Variants in LMBR1 observed in about 807,000 individuals in gnomAD.
LMBR1 encodes the protein limb development membrane protein 1.
Under a neutral mutation model 73.9 loss-of-function variants are expected in LMBR1, and 52 were observed. The observed-to-expected ratio is 0.70, with a 90% confidence interval of 0.56 to 0.89. The LOEUF is 0.89. Ranked by LOEUF, LMBR1 falls within the 40% of genes least tolerant of loss-of-function variation. The pLI is 0.00. For missense variants in LMBR1, 539 were observed against 579.8 expected, an observed-to-expected ratio of 0.93 and a Z score of 0.72; for synonymous variants, 215 against 209.4, an observed-to-expected ratio of 1.03 and a Z score of -0.23.
chr7:156,881,168 G>GA (rs1195774720), intron 1 of LMBR1, among the ~76,000 whole-genome samples: 1 of 152,156 alleles, frequency 6.6e-6, no homozygotes, highest in Admixed American at 6.5e-5. Context: ...GAACAGAACA[G>GA]AGAGCCCAGA....
intron 10 of LMBR1, among the ~76,000 whole-genome samples, chr7:156,731,978 A>C (rs1171658649): frequency 3.3e-5 from 5 of 151,660 alleles, no homozygotes; most frequent in African/African-American, 1.2e-4. Flanking sequence ...TTATAACAAC[A>C]TTATTTGTAA....
intron 1 of LMBR1, among the ~76,000 whole-genome samples, chr7:156,873,992 C>T (rs531893409): frequency 7.9e-5 from 12 of 152,384 alleles, no homozygotes; most frequent in South Asian, 2.1e-4. Context: ...GCCAGTCCCG[C>T]GCCATGCGCT....
downstream of LMBR1, chr7:156,676,570 A>G: frequency 6.2e-7 from 1 of 1,614,200 alleles, no homozygotes; most frequent in Non-Finnish European, 8.5e-7. Context: ...CTGGCACTAG[A>G]GGAGTTCTCC....
intron 1 of LMBR1, among the ~76,000 whole-genome samples, chr7:156,871,071 GAA>G (rs1443349931): frequency 6.6e-6 from 1 of 151,624 alleles, no homozygotes; most frequent in Non-Finnish European, 1.5e-5. Flanking sequence ...GCTAGACTAA[GAA>G]AAAAAGAGAA....
At chr7:156,712,179 G>A (rs1812206097) in intron 15 of LMBR1, among the ~76,000 whole-genome samples, 1 of 152,108 alleles carries the variant, frequency 6.6e-6, no homozygotes, top group African/African-American at 2.4e-5. Flanking sequence ...ATTAAAAAGT[G>A]AGCAAAGGAC....
chr7:156,820,746 G>A (rs1205154196), intron 4 of LMBR1, among the ~76,000 whole-genome samples: 1 of 152,172 alleles, frequency 6.6e-6, no homozygotes, highest in African/African-American at 2.4e-5. Context: ...GCTCCAGCTG[G>A]TTTACTGAGC....
chr7:156,781,466 G>T (rs1386401986), intron 5 of LMBR1, among the ~76,000 whole-genome samples: 1 of 151,960 alleles, frequency 6.6e-6, no homozygotes, highest in African/African-American at 2.4e-5. Context: ...GCTACTTTGG[G>T]TGGGCAGGTA....
In LMBR1 at chr7:156,688,083, C is replaced by G; in HGVS notation, c.1334G>C (p.Cys445Ser). The change falls in exon 16 of 17, where the codon TGT (cysteine) becomes TCT (serine). Residue 445 changes from cysteine to serine, a missense_variant. Physicochemically the swap from Cys to Ser is moderately radical, Grantham distance 112 (BLOSUM62 -1). This residue lies in a region of LMBR1 where 69 missense variants were observed against 68.5 expected (regional missense o/e 1.01). Coordinates refer to ENST00000353442, the MANE Select transcript of LMBR1 (RefSeq NM_022458.4). Reference sequence around the variant, plus strand: ...TGCAGAGGTGAATTTTCGGACCAGACACAATGTTGTCACAATAGCAAAAAG... The same window carrying G: ...TGCAGAGGTGAATTTTCGGACCAGAGACAATGTTGTCACAATAGCAAAAAG... ...NLLFAIVTTL[C>S]LVRKFTSAVR... The G allele has an allele frequency of 6.2e-7, 1 of 1,612,466 alleles. No individual in the cohort carries two copies. Among genetic ancestry groups the G allele is most frequent in the Non-Finnish European group, 8.5e-7 (1 of 1,179,468 alleles).
chr7:156,792,413 C>T (rs942941453), intron 5 of LMBR1, among the ~76,000 whole-genome samples: 2 of 152,116 alleles, frequency 1.3e-5, no homozygotes, highest in Non-Finnish European at 2.9e-5. Context: ...GCAAAATAAT[C>T]TAAATTTGGT....
At chr7:156,802,230 G>A (rs984361886) in intron 4 of LMBR1, among the ~76,000 whole-genome samples, 4 of 152,082 alleles carry the variant, frequency 2.6e-5, no homozygotes, top group South Asian at 2.1e-4. Flanking sequence ...TGATCCACTC[G>A]CTTCGGCCTT....
At position 156,670,355 on chromosome 7, in the gene LMBR1, G is replaced by A. The variant is rs538025666; in HGVS notation, n.867-1068C>T. The stretch of plus-strand genomic sequence containing the variant: ...GTCAGGTCTGCAAGGGGGGCCCTGC[G>A]TTTTGCATCCCCTGGAAAGCGGGTC... On this transcript the variant is annotated intron_variant and non_coding_transcript_variant, in intron 4 of 4. Transcript: ENST00000430825. This position sits in a 1 kb window ranked among gnomAD's most constrained non-coding sequence, Gnocchi z 4.3. Among the ~76,000 whole-genome samples the A allele has an allele frequency of 5.9e-5, 9 of 152,294 alleles. No homozygotes were observed. The highest frequency in any genetic ancestry group is 3.9e-4 in the East Asian group (2 of 5,188).
rs541282200 is a variant in LMBR1, at chr7:156,887,266, C to A, written c.66+5662G>T. On this transcript the variant is annotated intron_variant, in intron 1 of 16. Transcript: ENST00000353442. ...GATCACGAGGTCAAGAGATTGAGAC[C>A]ATTCTGGCCAACATGGTGAAACCCC... 2.0e-5 allele frequency among the ~76,000 whole-genome samples: 3 copies of A among 152,184 alleles called. No individual in the cohort carries two copies. The South Asian group carries it at 6.2e-4, about 32-fold the overall frequency.
intron 4 of LMBR1, among the ~76,000 whole-genome samples, chr7:156,809,775 T>C (rs577652893): frequency 3.9e-5 from 6 of 152,316 alleles, no homozygotes; most frequent in African/African-American, 1.4e-4. Context: ...CCTCTGAACT[T>C]AACGTGTCTC....
chr7:156,793,677 CTTA>C lies in LMBR1; in HGVS notation c.423+2709_423+2711del, dbSNP rs1237413529. On this transcript the variant is annotated intron_variant, in intron 5 of 16. Coordinates refer to ENST00000353442, the MANE Select transcript of LMBR1 (RefSeq NM_022458.4). The stretch of plus-strand genomic sequence containing the variant: ...TAGTGATAATAAGTATTCTAGAAAA[CTTA>C]TTAGTGATTAGTGATATTTTATAGA... Among the ~76,000 whole-genome samples, 7 of 152,220 alleles carry C rather than the reference CTTA, an allele frequency of 4.6e-5. No individual in the cohort carries two copies. In the East Asian group the frequency reaches 1.3e-3, roughly 29 times the overall value.
At chr7:156,765,836 T>C (rs1027705712) in intron 5 of LMBR1, among the ~76,000 whole-genome samples, 9 of 152,196 alleles carry the variant, frequency 5.9e-5, no homozygotes, top group Non-Finnish European at 1.2e-4. Flanking sequence ...ACATGCATTA[T>C]ACCTGTAATA....
At chr7:156,715,579 C>T (rs1219499771) in intron 15 of LMBR1, among the ~76,000 whole-genome samples, 1 of 152,134 alleles carries the variant, frequency 6.6e-6, no homozygotes, top group Non-Finnish European at 1.5e-5. Context: ...TACTACCCAT[C>T]CCCAGAATTC....
At chr7:156,723,547 C>A (rs77844817) in intron 15 of LMBR1, among the ~76,000 whole-genome samples, 477 of 152,178 alleles carry the variant, frequency 3.1e-3, no homozygotes, top group African/African-American at 0.011. Flanking sequence ...AAGCAAAAAT[C>A]TGTTTTTCTT....
At chr7:156,697,104 C>CATCACAT (rs1267821982) in intron 15 of LMBR1, among the ~76,000 whole-genome samples, 1 of 152,172 alleles carries the variant, frequency 6.6e-6, no homozygotes, top group Admixed American at 6.5e-5. Context: ...CCAGGGGTGA[C>CATCACAT]ATCACATATC....
intron 4 of LMBR1, among the ~76,000 whole-genome samples, chr7:156,801,692 A>G (rs1267378725): frequency 6.6e-6 from 1 of 152,076 alleles, no homozygotes; most frequent in Non-Finnish European, 1.5e-5. Context: ...CCACCGTGCC[A>G]GGCTGATTTT....
Sources: allele counts gnomAD v4.1 joint callset (sites outside exome capture counted in the v4.1 genomes callset), GRCh38; gene constraint gnomAD v4.1.1; regional missense constraint gnomAD v4.1.1; non-coding constraint Gnocchi (gnomAD v3.1); transcripts MANE v1.5; gene names NCBI Gene and HGNC (gene_info 2026-07-23, HGNC 2026-07-21).